The following CRB1 variants were observed in gnomAD, a reference collection of about 807,000 sequenced individuals.
The protein encoded by CRB1 is protein crumbs homolog 1.
Under a neutral mutation model 120.0 loss-of-function variants are expected in CRB1, and 83 were observed. The observed-to-expected ratio is 0.69, with a 90% CI of 0.58 to 0.83. The LOEUF is 0.83. CRB1 is among the 40% of genes least tolerant of loss of function. CRB1 has a pLI of 0.00. For synonymous variants in CRB1, 625 were observed against 612.5 expected (o/e 1.02, Z -0.30); for missense variants, 1,699 against 1,687.6 (o/e 1.01, Z -0.12).
chr1:197,259,768 T>C, the CRB1 span, among the ~76,000 whole-genome samples: 795 of 152,260 alleles, frequency 5.2e-3, 10 homozygotes, highest in African/African-American at 0.018. Flanking sequence ...CCCATTATAC[T>C]TGGAATAGTT....
the CRB1 span, among the ~76,000 whole-genome samples, chr1:197,229,811 T>A: frequency 6.6e-6 from 1 of 152,192 alleles, no homozygotes; most frequent in South Asian, 2.1e-4. Context: ...ATAATGAGTC[T>A]TGTTCTAAGG....
intron 5 of CRB1, among the ~76,000 whole-genome samples, chr1:197,379,421 T>A (rs1222879241): frequency 6.6e-6 from 1 of 151,860 alleles, no homozygotes; most frequent in Non-Finnish European, 1.5e-5. Flanking sequence ...TGTCTCAGCC[T>A]CCCGAGTAGC....
chr1:197,355,510 A>T (rs1048165802), intron 4 of CRB1, among the ~76,000 whole-genome samples: 3 of 152,162 alleles, frequency 2.0e-5, no homozygotes, highest in Non-Finnish European at 4.4e-5. Context: ...GGGCTCAGGC[A>T]TGGCGGGCTG....
In CRB1 at chr1:197,421,601, C is replaced by T; in HGVS notation, c.1773C>T (p.Cys591=). ...TCGACGACTCCTGTAAGGAGAAATG[C>T]ATCGCGAAAGCTCCTACTCCACTTG... ...TLIDDSCKEK[C]IAKAPTPLES... Residue 591 remains cysteine (C), a synonymous_variant, in exon 6 of 12, where the codon TGC becomes TGT. Transcript: ENST00000367400. The T allele has an allele frequency of 6.2e-7, 1 of 1,614,194 alleles. No homozygotes were observed. The highest frequency in any genetic ancestry group is 8.5e-7 in the Non-Finnish European group (1 of 1,180,022).
At chr1:197,294,650 C>A (rs1571785097) in intron 1 of CRB1, among the ~76,000 whole-genome samples, 1 of 152,184 alleles carries the variant, frequency 6.6e-6, no homozygotes, top group East Asian at 1.9e-4. Context: ...AGACTTGGAA[C>A]CAACCCAAAT....
In CRB1 at chr1:197,421,628, A is replaced by G; in HGVS notation, c.1800A>G (p.Glu600=). The G allele has an allele frequency of 6.2e-7, 1 of 1,614,216 alleles. No homozygotes were observed. The highest frequency in any genetic ancestry group is 8.5e-7 in the Non-Finnish European group (1 of 1,180,042). ...KCIAKAPTPL[E]SDQSICAFQN... ...TCGCGAAAGCTCCTACTCCACTTGAAAGTGATCAATCAATATGTGCTTTTC... is the reference window on the plus strand; with the variant it reads ...TCGCGAAAGCTCCTACTCCACTTGAGAGTGATCAATCAATATGTGCTTTTC... Residue 600 remains glutamate (E), a synonymous_variant, in exon 6 of 12, where the codon GAA becomes GAG. Coordinates refer to ENST00000367400, the MANE Select transcript of CRB1 (RefSeq NM_201253.3).
At chr1:197,457,969 G>C (rs1666359551) in intron 11 of CRB1, among the ~76,000 whole-genome samples, 1 of 152,018 alleles carries the variant, frequency 6.6e-6, no homozygotes, top group Non-Finnish European at 1.5e-5. Flanking sequence ...ATTATCCCTT[G>C]CTTTTGTTGA....
intron 4 of CRB1, among the ~76,000 whole-genome samples, chr1:197,351,187 C>CAAAAAAAAAA (rs780090689): frequency 4.1e-4 from 35 of 85,378 alleles, no homozygotes; most frequent in African/African-American, 8.5e-4. Flanking sequence ...ACTAAAAATA[C>CAAAAAAAAAA]AAAAAAAAAA....
At chr1:197,222,330 T>G in the CRB1 span, 1 of 728,592 alleles carries the variant, frequency 1.4e-6, no homozygotes, top group South Asian at 1.4e-5. Flanking sequence ...ACCGGGAGAG[T>G]GAATCCCAGA....
At chr1:197,477,058 T>A (rs1667227961) in intron 11 of CRB1, among the ~76,000 whole-genome samples, 1 of 152,236 alleles carries the variant, frequency 6.6e-6, no homozygotes. Context: ...TGCTAGATAC[T>A]TGGATTCAGC....
chr1:197,321,884 C>T (rs957993043), intron 1 of CRB1, among the ~76,000 whole-genome samples: 2 of 152,104 alleles, frequency 1.3e-5, no homozygotes, highest in African/African-American at 2.4e-5. Flanking sequence ...CAGTTAAACT[C>T]TCAGAAAGTA....
At chr1:197,369,069 C>G (rs1382223992) in intron 5 of CRB1, among the ~76,000 whole-genome samples, 2 of 152,244 alleles carry the variant, frequency 1.3e-5, no homozygotes. Flanking sequence ...GTTGTCCTCA[C>G]AGTAGACCAT....
At chr1:197,327,827 C>T (rs990327101) in intron 1 of CRB1, among the ~76,000 whole-genome samples, 15 of 152,122 alleles carry the variant, frequency 9.9e-5, no homozygotes, top group Admixed American at 8.5e-4. Flanking sequence ...CTGCTTCGAC[C>T]TGAGCAGATC....
intron 1 of CRB1, among the ~76,000 whole-genome samples, chr1:197,302,308 C>T (rs1382104343): frequency 6.6e-6 from 1 of 152,146 alleles, no homozygotes; most frequent in Non-Finnish European, 1.5e-5. Flanking sequence ...AAGGTATGCA[C>T]ATTGTTTTTG....
intron 4 of CRB1, among the ~76,000 whole-genome samples, chr1:197,355,070 T>G (rs3122636): frequency 0.84 from 126,821 of 150,988 alleles, 53,718 homozygotes; most frequent in African/African-American, 0.96. Flanking sequence ...GTGCCTATTG[T>G]TGCATCCACA....
chr1:197,344,457 T>C lies in CRB1; in HGVS notation c.829T>C (p.Cys277Arg), dbSNP rs1659654511. 3 of 1,613,892 alleles carry C rather than the reference T, an allele frequency of 1.9e-6. No homozygotes were observed. The highest frequency in any genetic ancestry group is 1.3e-5 in the African/African-American group (1 of 74,860). The change falls in exon 3 of 12, where the codon TGT becomes CGT. Residue 277 changes from cysteine (C) to arginine (R), a missense_variant. By Grantham distance (180) the Cys-to-Arg change is radical. Transcript: ENST00000367400. ...TCAACCTTGTCTCCATGGAGGGCTG[T>C]GTGTGGATGGAGAAAACAGGTACAT... is the stretch of plus-strand genomic sequence containing the variant. ...ASQPCLHGGL[C>R]VDGENRYSCN...
upstream of CRB1, among the ~76,000 whole-genome samples, chr1:197,264,703 C>G (rs1654593583): frequency 1.3e-5 from 2 of 150,556 alleles, no homozygotes; most frequent in African/African-American, 2.4e-5. Flanking sequence ...CTCACTGCAA[C>G]CTCCGCCTCC....
chr1:197,449,300 G>A (rs1665841535), intron 11 of CRB1, among the ~76,000 whole-genome samples: 1 of 151,890 alleles, frequency 6.6e-6, no homozygotes, highest in South Asian at 2.1e-4. Flanking sequence ...GGTCATTGTA[G>A]CTTATACAAT....
chr1:197,328,991 C>A lies in CRB1; in HGVS notation c.640C>A (p.His214Asn). The change falls in exon 2 of 12, where the codon CAC becomes AAC. Residue 214 changes from histidine to asparagine, a missense_variant. His to Asn is a moderately conservative substitution (Grantham distance 68). Transcript: ENST00000367400. ...EIGRYTCICPHNYSGVNCELE... is the reference protein window; with the variant it reads ...EIGRYTCICPNNYSGVNCELE... ...AGGAAGATATACTTGTATCTGTCCCCACAATTATTCTGGTAAGTGTGATCA... is the reference window on the plus strand; with the variant it reads ...AGGAAGATATACTTGTATCTGTCCCAACAATTATTCTGGTAAGTGTGATCA... 6.2e-7 allele frequency: 1 copy of A among 1,612,016 alleles called. No individual in the cohort carries two copies. The highest frequency in any genetic ancestry group is 1.1e-5 in the South Asian group (1 of 91,072).
Sources: allele counts gnomAD v4.1 joint callset (sites outside exome capture counted in the v4.1 genomes callset), GRCh38; gene constraint gnomAD v4.1.1; transcripts MANE v1.5; gene names NCBI Gene and HGNC (gene_info 2026-07-23, HGNC 2026-07-21).